Variants in MINDY4 observed in about 807,000 individuals in gnomAD.
The protein encoded by MINDY4 is probable ubiquitin carboxyl-terminal hydrolase MINDY-4.
A neutral mutation model predicts 87.0 loss-of-function variants in MINDY4; 68 were observed. The observed-to-expected ratio is 0.78, with a 90% confidence interval of 0.64 to 0.96. The LOEUF (loss-of-function observed/expected upper bound fraction) is 0.96, where lower values mean the gene tolerates loss of function less well. Ranked by LOEUF, MINDY4 falls within the 40% of genes least tolerant of loss-of-function variation. The pLI, the probability that MINDY4 is intolerant of heterozygous loss-of-function variation, is 0.00. For missense variants in MINDY4, 919 were observed against 928.2 expected (o/e 0.99, Z 0.13); for synonymous variants, 379 against 363.2 (o/e 1.04, Z -0.50).
chr7:30,793,067 CCATGGGTTAT>C (rs1318247550), intron 5 of MINDY4, among the ~76,000 whole-genome samples: 1 of 147,238 alleles, frequency 6.8e-6, no homozygotes, highest in Admixed American at 6.7e-5. Context: ...TTTTTTTAAC[CCATGGGTTAT>C]TTAGGCATGT....
chr7:30,882,863 C>G (rs10252754), intron 16 of MINDY4, 58 bp from the exon 17 acceptor site: 191,182 of 1,548,254 alleles, frequency 0.12, 17,992 homozygotes, highest in African/African-American at 0.43. Flanking sequence ...TCAGCGCTGA[C>G]CTCAGGGTGA....
At chr7:30,856,035 T>C (rs1338379553) in intron 12 of MINDY4, among the ~76,000 whole-genome samples, 1 of 152,218 alleles carries the variant, frequency 6.6e-6, no homozygotes, top group Non-Finnish European at 1.5e-5. Context: ...CCTTGCTGTG[T>C]TTTCATTACT....
At chr7:30,850,268 T>C (rs1165207236) in intron 9 of MINDY4, among the ~76,000 whole-genome samples, 186 bp from the exon 10 acceptor site, 1 of 152,172 alleles carries the variant, frequency 6.6e-6, no homozygotes, top group Non-Finnish European at 1.5e-5. Flanking sequence ...CCTTTGGCCC[T>C]CAGCTGTGGA....
At position 30,841,924 on chromosome 7, in the gene MINDY4, A is replaced by T. The variant is rs988578108; in HGVS notation, c.1445+1076A>T. Among the ~76,000 whole-genome samples the T allele has an allele frequency of 5.9e-5, 9 of 152,186 alleles. 1 individual carries two copies. The highest frequency in any genetic ancestry group is 1.2e-4 in the Non-Finnish European group (8 of 68,032). On this transcript the variant is annotated intron_variant, in intron 9 of 17. Transcript: ENST00000265299. ...AAATAAGCATTTGAGAATCTTTTTT[A>T]AAAAAGCCTAGGTGTTACCCAGACA... is the stretch of plus-strand genomic sequence containing the variant.
At chr7:30,862,230 G>A (rs116407831) in intron 13 of MINDY4, among the ~76,000 whole-genome samples, 1 of 152,228 alleles carries the variant, frequency 6.6e-6, no homozygotes, top group Non-Finnish European at 1.5e-5. Context: ...TGGAGCCCAG[G>A]GGAGACTCCT....
chr7:30,845,122 A>C (rs1789165168), intron 9 of MINDY4, among the ~76,000 whole-genome samples: 2 of 152,196 alleles, frequency 1.3e-5, no homozygotes, highest in Non-Finnish European at 2.9e-5. Flanking sequence ...CAGGGAGGCC[A>C]GGAGGAAGGC....
chr7:30,875,362 C>G (rs1185985403), intron 14 of MINDY4, 133 bp from the exon 15 acceptor site: 11 of 1,003,320 alleles, frequency 1.1e-5, no homozygotes, highest in South Asian at 6.8e-5. Context: ...GTCACAGCCT[C>G]CTCTGCTCTC....
At chr7:30,778,901 T>C (rs948310920) in intron 2 of MINDY4, among the ~76,000 whole-genome samples, 1 of 152,226 alleles carries the variant, frequency 6.6e-6, no homozygotes, top group African/African-American at 2.4e-5. Context: ...CGTATCCAGT[T>C]ATACTAAAAT....
At chr7:30,884,378 T>C (rs766165612) in intron 17 of MINDY4, among the ~76,000 whole-genome samples, 1 of 152,200 alleles carries the variant, frequency 6.6e-6, no homozygotes, top group African/African-American at 2.4e-5. Context: ...CTGGTGCTTC[T>C]TTCGTCGGGA....
chr7:30,838,087 CA>C (rs1788916737), intron 7 of MINDY4, among the ~76,000 whole-genome samples: 1 of 152,124 alleles, frequency 6.6e-6, no homozygotes, highest in African/African-American at 2.4e-5. Context: ...GGGGCTCACT[CA>C]AGGCTTCAGA....
At chr7:30,810,974 C>T (rs1305227793) in intron 5 of MINDY4, among the ~76,000 whole-genome samples, 5 of 152,076 alleles carry the variant, frequency 3.3e-5, no homozygotes, top group African/African-American at 1.2e-4. Context: ...GTTTATCTTC[C>T]ACTTTTCTTT....
intron 15 of MINDY4, among the ~76,000 whole-genome samples, chr7:30,875,996 G>A (rs913859354): frequency 1.3e-5 from 2 of 152,188 alleles, no homozygotes; most frequent in South Asian, 2.1e-4. Flanking sequence ...CTTAGGCCTC[G>A]TGTTAGTTTC....
chr7:30,883,910 A>C (rs1253114107), intron 17 of MINDY4, among the ~76,000 whole-genome samples: 1 of 151,686 alleles, frequency 6.6e-6, no homozygotes, highest in Non-Finnish European at 1.5e-5. Context: ...CCTGCACCCC[A>C]CTTTGTCATC....
intron 7 of MINDY4, 74 bp from the exon 8 acceptor site, chr7:30,839,126 G>A (rs923633958): frequency 3.3e-6 from 3 of 915,010 alleles, no homozygotes; most frequent in Non-Finnish European, 4.9e-6. Flanking sequence ...AACTTCTGCA[G>A]GAATATGCAC....
intron 13 of MINDY4, 22 bp downstream of exon 13, chr7:30,859,346 C>T (rs1258479619): frequency 1.2e-6 from 2 of 1,609,768 alleles, no homozygotes; most frequent in Admixed American, 3.3e-5. Context: ...TCTCCCTCAA[C>T]TCCCTGGGGC....
At chr7:30,891,608 T>C (rs1426544138) in intron 17 of MINDY4, among the ~76,000 whole-genome samples, 1 of 152,288 alleles carries the variant, frequency 6.6e-6, no homozygotes, top group East Asian at 1.9e-4. Context: ...AACCATTGGG[T>C]CCTAGTGGAG....
Position 30,841,635 on chromosome 7 carries a change from TAAA to T in MINDY4, c.1445+797_1445+799del, listed in dbSNP as rs202120302. ...AGAACTTCTGGCAATTGGCCTTTTT[TAAA>T]AAAAAAAAATTTAGTTAAAATATAA... On this transcript the variant is annotated intron_variant, in intron 9 of 17. Transcript: ENST00000265299. Among the ~76,000 whole-genome samples the T allele has an allele frequency of 1.4e-3, 207 of 148,806 alleles. 2 individuals are homozygous for T. The highest frequency in any genetic ancestry group is 4.6e-3 in the African/African-American group (186 of 40,772).
Position 30,785,791 on chromosome 7 carries a change from A to T in MINDY4, c.462A>T (p.Ser154=), listed in dbSNP as rs774052293. 29 of 1,614,120 alleles carry T rather than the reference A, an allele frequency of 1.8e-5. No homozygotes were observed. Among genetic ancestry groups the T allele is most frequent in the Admixed American group, 1.7e-5 (1 of 60,010 alleles). ...LDGDVLGNFV[S]SKRPPHKSKP... ...GAGATGTACTTGGTAATTTTGTATCATCTAAAAGGCCCCCGCACAAAAGTA... is the reference window on the plus strand; with the variant it reads ...GAGATGTACTTGGTAATTTTGTATCTTCTAAAAGGCCCCCGCACAAAAGTA... Residue 154 remains serine (S), a synonymous_variant, in exon 4 of 18, where the codon TCA becomes TCT. Coordinates refer to ENST00000265299, the MANE Select transcript of MINDY4 (RefSeq NM_032222.3).
At chr7:30,795,361 C>T (rs1031280672) in intron 5 of MINDY4, among the ~76,000 whole-genome samples, 10 of 152,224 alleles carry the variant, frequency 6.6e-5, no homozygotes, top group African/African-American at 2.4e-4. Flanking sequence ...ATTCAACCCA[C>T]AGCAGTTGCC....
Sources: allele counts gnomAD v4.1 joint callset (sites outside exome capture counted in the v4.1 genomes callset), GRCh38; gene constraint gnomAD v4.1.1; transcripts MANE v1.5; gene names NCBI Gene and HGNC (gene_info 2026-07-23, HGNC 2026-07-21).